CYP2E1: variants seen among roughly 807,000 people sequenced by gnomAD.
CYP2E1 encodes the protein cytochrome P450 2E1.
A neutral mutation model predicts 42.9 loss-of-function variants in CYP2E1; 31 were observed. That is an observed-to-expected ratio of 0.72 (90% CI 0.54 to 0.98). The LOEUF is 0.98. CYP2E1 is among the 50% of genes least tolerant of loss of function. The pLI is 0.00. For synonymous variants in CYP2E1, 244 were observed against 248.9 expected (o/e 0.98, Z 0.19); for missense variants, 565 against 633.2 (o/e 0.89, Z 1.16).
intron 1 of CYP2E1, chr10:133,527,956 T>A: frequency 4.0e-6 from 1 of 247,336 alleles, no homozygotes; most frequent in Non-Finnish European, 7.9e-6. Context: ...CACCAATACC[T>A]GCCGCCTACG....
intron 2 of CYP2E1, among the ~76,000 whole-genome samples, chr10:133,530,748 C>T (rs983641869): frequency 3.3e-5 from 5 of 151,938 alleles, no homozygotes; most frequent in Admixed American, 2.0e-4. Flanking sequence ...AGACGGAGAG[C>T]GAGGGAGAGA....
rs1851412444 is a variant in CYP2E1 at position 133,536,922 on chromosome 10, G to A, written c.968-141G>A. On this transcript the variant is annotated intron_variant, in intron 6 of 8. Transcript: ENST00000252945. ...ATGGAGGATGGATGGATGGATGGAG[G>A]GGTGTATAGATGGAGGGGTGGATGG... 2.6e-5 allele frequency: 17 copies of A among 658,426 alleles called. No homozygotes were observed. In the South Asian group the frequency reaches 2.8e-4, roughly 11 times the overall value. The allele number at this position is 658,426 out of a possible 1,614,324, so 40.8% of individuals were successfully genotyped here. A position where few individuals can be genotyped will look rare whatever the true frequency, so the allele number is the denominator to read the frequency against.
intron 3 of CYP2E1, 167 bp from the exon 4 acceptor site, chr10:133,531,957 G>A: frequency 1.3e-6 from 1 of 782,110 alleles, no homozygotes; most frequent in South Asian, 1.8e-5. Flanking sequence ...AAATACTGTT[G>A]AAAAGCAAAG....
intron 8 of CYP2E1, among the ~76,000 whole-genome samples, chr10:133,538,572 A>G (rs2480259): frequency 0.64 from 96,458 of 151,780 alleles, 33,772 homozygotes; most frequent in Non-Finnish European, 0.8. Context: ...TTGTATGAAG[A>G]CTGGTCCCCG....
chr10:133,533,633 G>T, intron 5 of CYP2E1, 123 bp from the exon 6 acceptor site: 2 of 1,129,680 alleles, frequency 1.8e-6, no homozygotes, highest in Non-Finnish European at 2.5e-6. Flanking sequence ...CCAAGTCACA[G>T]TTCCACTGGG....
Position 133,537,829 on chromosome 10 carries a change from G to C in CYP2E1, c.1234G>C (p.Glu412Gln). Residue 412 changes from glutamate to glutamine, a missense_variant, in exon 8 of 9, where the codon GAA (glutamate) becomes CAA (glutamine). By Grantham distance (29) the Glu-to-Gln change is conservative. Coordinates refer to ENST00000252945, the MANE Select transcript of CYP2E1 (RefSeq NM_000773.4). ...EFPDPEKFKP[E>Q]HFLNENGKFK... ...TCCTGATCCAGAAAAGTTTAAGCCAGAACACTTCCTGAATGAAAATGGAAA... is the reference window on the plus strand; with the variant it reads ...TCCTGATCCAGAAAAGTTTAAGCCACAACACTTCCTGAATGAAAATGGAAA... The C allele has an allele frequency of 6.2e-7, 1 of 1,613,894 alleles. No homozygotes were observed. The highest frequency in any genetic ancestry group is 1.1e-5 in the South Asian group (1 of 91,054).
At chr10:133,537,921 C>T in intron 8 of CYP2E1, 29 bp downstream of exon 8, 1 of 1,605,448 alleles carries the variant, frequency 6.2e-7, no homozygotes, top group South Asian at 1.1e-5. Context: ...AGTACCTTCC[C>T]TTGAGGAGCA....
chr10:133,537,374 G>T, intron 7 of CYP2E1, 124 bp downstream of exon 7: 2 of 939,586 alleles, frequency 2.1e-6, no homozygotes, highest in Non-Finnish European at 3.2e-6. Context: ...GAGGGGAAGG[G>T]CTGGCCCCAC....
chr10:133,538,622 T>C (rs1488360144), intron 8 of CYP2E1, among the ~76,000 whole-genome samples, 158 bp from the exon 9 acceptor site: 1 of 152,082 alleles, frequency 6.6e-6, no homozygotes, highest in African/African-American at 2.4e-5. Flanking sequence ...CTCAAGTACA[T>C]TTTGTGCTTC....
intron 7 of CYP2E1, 156 bp from the exon 8 acceptor site, chr10:133,537,595 C>T (rs544937379): frequency 2.9e-5 from 19 of 664,350 alleles, no homozygotes; most frequent in Non-Finnish European, 4.5e-5. Flanking sequence ...CCCCTGACTG[C>T]TTTCTATCTA....
At chr10:133,536,626 T>TGGGGG (rs1851404488) in intron 6 of CYP2E1, among the ~76,000 whole-genome samples, 8 of 6,708 alleles carry the variant, frequency 1.2e-3, no homozygotes, top group African/African-American at 1.7e-3. Flanking sequence ...GGTGGGTGGA[T>TGGGGG]GGATGGGTGG....
intron 2 of CYP2E1, 51 bp from the exon 3 acceptor site, chr10:133,531,534 C>T: frequency 6.2e-7 from 1 of 1,601,546 alleles, no homozygotes; most frequent in Non-Finnish European, 8.6e-7. Flanking sequence ...TAGCCCATTT[C>T]TCCCCAAAAT....
chr10:133,537,488 A>C (rs1013913373), intron 7 of CYP2E1: 18 of 599,374 alleles, frequency 3.0e-5, no homozygotes, highest in Non-Finnish European at 3.2e-5. Flanking sequence ...AGTGCCTGGG[A>C]CTGTAGTGAA....
At chr10:133,537,475 G>A in intron 7 of CYP2E1, 2 of 605,236 alleles carry the variant, frequency 3.3e-6, no homozygotes, top group Non-Finnish European at 5.8e-6. Flanking sequence ...AGCCTCAGCA[G>A]ATAGTGCCTG....
At chr10:133,535,145 C>G (rs1851382263) in intron 6 of CYP2E1, among the ~76,000 whole-genome samples, 1 of 151,994 alleles carries the variant, frequency 6.6e-6, no homozygotes, top group Non-Finnish European at 1.5e-5. Flanking sequence ...ACCTTCCTGG[C>G]CAACATGATG....
chr10:133,537,328 G>GGGGCC, intron 7 of CYP2E1, 78 bp downstream of exon 7: 1 of 1,503,938 alleles, frequency 6.6e-7, no homozygotes, highest in Non-Finnish European at 9.1e-7. Flanking sequence ...GAGCAGGATG[G>GGGGCC]GGGCCCCAAG....
At chr10:133,531,507 C>A in intron 2 of CYP2E1, 78 bp from the exon 3 acceptor site, 2 of 1,521,782 alleles carry the variant, frequency 1.3e-6, no homozygotes, top group Non-Finnish European at 1.8e-6. Flanking sequence ...TCCTGCCCTG[C>A]TCTCCAAGGC....
intron 6 of CYP2E1, among the ~76,000 whole-genome samples, chr10:133,534,362 C>T (rs1427177630): frequency 1.2e-4 from 1 of 8,388 alleles, no homozygotes; most frequent in South Asian, 0.12. Flanking sequence ...TACAGCTGCC[C>T]TGGACCCTTG....
intron 6 of CYP2E1, among the ~76,000 whole-genome samples, chr10:133,536,053 G>A (rs1355579836): frequency 6.6e-6 from 1 of 152,190 alleles, no homozygotes; most frequent in Non-Finnish European, 1.5e-5. Flanking sequence ...TCAAGAAGTA[G>A]ACCCTGCATG....
Sources: gnomAD v4.1 joint callset for allele counts (sites outside exome capture counted in the v4.1 genomes callset) on GRCh38, gnomAD v4.1.1 for gene constraint, MANE v1.5 for transcripts, NCBI Gene and HGNC (gene_info 2026-07-23, HGNC 2026-07-21) for gene names.